The following NDE1 variants were observed in gnomAD, a reference collection of about 807,000 sequenced individuals.
NDE1 encodes the protein nuclear distribution protein nudE homolog 1.
In NDE1, 28 loss-of-function variants were observed where a neutral mutation model predicts 43.4. That is an observed-to-expected ratio of 0.65 (90% confidence interval 0.48 to 0.89). The LOEUF is 0.89. Among genes scored for constraint, NDE1 ranks in the 40% least tolerant of loss-of-function variants. The pLI is 0.00. For synonymous variants in NDE1, 184 were observed against 172.0 expected (o/e 1.07, Z -0.55); for missense variants, 441 against 434.1 (o/e 1.02, Z -0.14).
intron 2 of NDE1, among the ~76,000 whole-genome samples, chr16:15,665,100 C>G (rs2037236234): frequency 6.6e-6 from 1 of 151,756 alleles, no homozygotes; most frequent in Non-Finnish European, 1.5e-5. Context: ...GCTATGTTGC[C>G]CAGGCTGGTC....
chr16:15,668,683 C>T (rs1209550172), intron 3 of NDE1, among the ~76,000 whole-genome samples: 1 of 152,220 alleles, frequency 6.6e-6, no homozygotes, highest in South Asian at 2.1e-4. Context: ...CTTAATTCCT[C>T]AGTCACAGTA....
At chr16:15,654,227 G>A (rs1444411687) in intron 1 of NDE1, among the ~76,000 whole-genome samples, 3 of 152,098 alleles carry the variant, frequency 2.0e-5, no homozygotes, top group Non-Finnish European at 2.9e-5. Flanking sequence ...CATGTGGGGT[G>A]CATTTTTAAG....
chr16:15,723,449 C>T (rs1266067223), intron 8 of NDE1, among the ~76,000 whole-genome samples: 1 of 152,116 alleles, frequency 6.6e-6, no homozygotes, highest in Non-Finnish European at 1.5e-5. Context: ...GAGTTGGAGA[C>T]CAGCCTGGAC....
chr16:15,651,073 G>A (rs560123432), intron 1 of NDE1, among the ~76,000 whole-genome samples: 2 of 152,300 alleles, frequency 1.3e-5, no homozygotes, highest in Admixed American at 6.5e-5. Flanking sequence ...GGGAAACCCC[G>A]CTGTCACCTT....
intron 8 of NDE1, among the ~76,000 whole-genome samples, chr16:15,707,975 AAAAAG>A (rs1287118922): frequency 1.3e-5 from 2 of 151,408 alleles, no homozygotes; most frequent in African/African-American, 4.9e-5. Context: ...AAAAAAAAAA[AAAAAG>A]CAAAATCCCA....
At chr16:15,668,004 G>T (rs1183870451) in intron 3 of NDE1, among the ~76,000 whole-genome samples, 3 of 149,552 alleles carry the variant, frequency 2.0e-5, no homozygotes, top group Non-Finnish European at 4.4e-5. Context: ...TTGCTCTGTT[G>T]CCCAGACTGG....
chr16:15,676,512 T>C (rs1421477258), intron 3 of NDE1, among the ~76,000 whole-genome samples: 1 of 151,988 alleles, frequency 6.6e-6, no homozygotes, highest in Non-Finnish European at 1.5e-5. Context: ...GCGCCTGGCC[T>C]GTCTTTATGT....
chr16:15,649,113 T>A (rs1033669036), upstream of NDE1, among the ~76,000 whole-genome samples: 2 of 152,078 alleles, frequency 1.3e-5, no homozygotes, highest in African/African-American at 4.8e-5. Context: ...GGAGAATTGC[T>A]TGAACTCAGA....
chr16:15,659,993 C>T lies in NDE1; in HGVS notation c.-43-4743C>T, dbSNP rs140832784. ...CAAACTCCTGACCTTGTGATCTGCC[C>T]GCCTCGGCCTCCCAAAGTGCTGGGA... On this transcript the variant is annotated intron_variant, in intron 1 of 8. Transcript: ENST00000396354. Among the ~76,000 whole-genome samples, 11 of 151,452 alleles carry T rather than the reference C, an allele frequency of 7.3e-5. No individual in the cohort carries two copies. In the East Asian group the frequency reaches 7.8e-4, roughly 11 times the overall value.
intron 3 of NDE1, among the ~76,000 whole-genome samples, chr16:15,676,103 T>C (rs1395651280): frequency 6.6e-6 from 1 of 151,766 alleles, no homozygotes; most frequent in Non-Finnish European, 1.5e-5. Flanking sequence ...CTCTCTCCCT[T>C]TCCTTCCCTC....
intron 8 of NDE1, chr16:15,721,177 C>T (rs1485837030): frequency 6.3e-6 from 7 of 1,115,470 alleles, no homozygotes; most frequent in Admixed American, 2.0e-5. Context: ...GATGCATGGC[C>T]GGGACTCAAG....
chr16:15,647,088 T>C (rs957703417), upstream of NDE1, among the ~76,000 whole-genome samples: 2 of 152,216 alleles, frequency 1.3e-5, no homozygotes, highest in Non-Finnish European at 2.9e-5. Flanking sequence ...GCATCAGACG[T>C]AGTAAAGTGT....
Position 15,696,697 on chromosome 16 carries a change from A to T in NDE1, c.796-12A>T. ...CCTATAACTTGAGAGATAAAAGTGT[A>T]TTTCTGTCCAGGCACTGGAGTCCAA... On this transcript the variant is annotated splice_polypyrimidine_tract_variant and intron_variant, in intron 7 of 8. Transcript: ENST00000396354. 6.2e-7 allele frequency: 1 copy of T among 1,614,194 alleles called. No homozygotes were observed. Among genetic ancestry groups the T allele is most frequent in the Non-Finnish European group, 8.5e-7 (1 of 1,180,050 alleles).
chr16:15,688,689 C>CTTTTTTTTTTTTTTTTTTTTTTTTTTTT (rs1194565114), intron 5 of NDE1, among the ~76,000 whole-genome samples: 1 of 59,990 alleles, frequency 1.7e-5, no homozygotes, highest in South Asian at 7.8e-4. Flanking sequence ...TTGTTTTTAC[C>CTTTTTTTTTTTTTTTTTTTTTTTTTTTT]TTTTTTTTTT....
In NDE1 at chr16:15,717,274, G is replaced by A. The variant is rs35295469; in HGVS notation, c.948-6917G>A. On this transcript the variant is annotated intron_variant, in intron 8 of 8. Transcript: ENST00000396354. Reference sequence around the variant, plus strand: ...TCCGGAGCTCCTTGTTCTGCCGCTCGAGCTGCTGCCGGGCACTCTCATTCT... The same window carrying A: ...TCCGGAGCTCCTTGTTCTGCCGCTCAAGCTGCTGCCGGGCACTCTCATTCT... 14,013 of 1,613,862 alleles carry A rather than the reference G, an allele frequency of 8.7e-3. 599 individuals are homozygous for A. The African/African-American group carries it at 0.1, about 12-fold the overall frequency.
At chr16:15,721,356 C>T (rs1596720593) in intron 8 of NDE1, 6 of 1,535,110 alleles carry the variant, frequency 3.9e-6, no homozygotes, top group Non-Finnish European at 5.4e-6. Context: ...CTCGCATGGA[C>T]TGGTGAATAG....
intron 8 of NDE1, chr16:15,718,892 C>G: frequency 4.8e-6 from 2 of 416,166 alleles, no homozygotes; most frequent in Non-Finnish European, 9.0e-6. Flanking sequence ...CTTTGGGAGG[C>G]CAAGGTAGGA....
intron 2 of NDE1, among the ~76,000 whole-genome samples, chr16:15,665,975 C>G (rs868326899): frequency 6.6e-6 from 1 of 151,988 alleles, no homozygotes; most frequent in Non-Finnish European, 1.5e-5. Context: ...AGGCAGCTCT[C>G]GAACTCCCAA....
chr16:15,683,889 T>C (rs1424071614), intron 4 of NDE1, among the ~76,000 whole-genome samples: 2 of 152,064 alleles, frequency 1.3e-5, no homozygotes, highest in Non-Finnish European at 2.9e-5. Context: ...TAGCCGGCTA[T>C]GGTAGCTTGT....
Sources: allele counts gnomAD v4.1 joint callset (sites outside exome capture counted in the v4.1 genomes callset), GRCh38; gene constraint gnomAD v4.1.1; transcripts MANE v1.5; gene names NCBI Gene and HGNC (gene_info 2026-07-23, HGNC 2026-07-21).